Variants in CMBL observed in about 807,000 individuals in gnomAD.
CMBL encodes the protein carboxymethylenebutenolidase homolog (Pseudomonas).
A neutral mutation model predicts 28.7 loss-of-function variants in CMBL; 17 were observed. The observed-to-expected ratio is 0.59, with a 90% CI of 0.41 to 0.89. CMBL has a LOEUF of 0.89. Among genes scored for constraint, CMBL ranks in the 40% least tolerant of loss-of-function variants. CMBL has a pLI of 0.00. For missense variants in CMBL, 310 were observed against 298.5 expected, an observed-to-expected ratio of 1.04 and a Z score of -0.28; for synonymous variants, 106 against 101.6, an observed-to-expected ratio of 1.04 and a Z score of -0.26.
intron 2 of CMBL, among the ~76,000 whole-genome samples, chr5:10,290,059 G>A (rs1746677872): frequency 6.6e-6 from 1 of 152,224 alleles, no homozygotes; most frequent in African/African-American, 2.4e-5. Flanking sequence ...GGGGAGGGGA[G>A]CAAGGTCTCA....
chr5:10,288,568 T>G, intron 2 of CMBL, 39 bp from the exon 3 acceptor site: 1 of 1,400,408 alleles, frequency 7.1e-7, no homozygotes, highest in Non-Finnish European at 1.0e-6. Flanking sequence ...AGTTTCAGAG[T>G]TGCTTGACTC....
intron 4 of CMBL, 194 bp downstream of exon 4, chr5:10,286,160 C>T: frequency 1.9e-6 from 1 of 537,948 alleles, no homozygotes; most frequent in East Asian, 3.1e-5. Flanking sequence ...CCTCTTGACT[C>T]CCGGTGACAT....
chr5:10,290,948 T>A (rs572003235), intron 1 of CMBL, among the ~76,000 whole-genome samples, 167 bp from the exon 2 acceptor site: 1 of 152,220 alleles, frequency 6.6e-6, no homozygotes, highest in African/African-American at 2.4e-5. Context: ...CACTGCAGAG[T>A]AAGGCTATAG....
chr5:10,288,512 A>G lies in CMBL; in HGVS notation c.233T>C (p.Phe78Ser), dbSNP rs1436289539. The change falls in exon 3 of 6, where the codon TTC becomes TCC. Residue 78 changes from phenylalanine (F) to serine (S), a missense_variant. Coordinates refer to ENST00000296658, the MANE Select transcript of CMBL (RefSeq NM_138809.4). ...GTCCCAAGGCTCTTGCCCTACAAAG[A>G]AGTCTGGAACAATGGTTCTGCAAAA... The part of the protein sequence containing the change: ...GNGYTTIVPD[F>S]FVGQEPWDPS... 6.2e-7 allele frequency: 1 copy of G among 1,613,570 alleles called. No homozygotes were observed. The highest frequency in any genetic ancestry group is 2.2e-5 in the East Asian group (1 of 44,874).
At chr5:10,283,173 T>C (rs1400389787) in intron 4 of CMBL, among the ~76,000 whole-genome samples, 1 of 151,906 alleles carries the variant, frequency 6.6e-6, no homozygotes, top group Non-Finnish European at 1.5e-5. Flanking sequence ...CTCCCCACTT[T>C]ATGGACTGGG....
chr5:10,288,966 C>T (rs190112373), intron 2 of CMBL, among the ~76,000 whole-genome samples: 1 of 152,310 alleles, frequency 6.6e-6, no homozygotes, highest in East Asian at 1.9e-4. Flanking sequence ...TCACTATGAC[C>T]AGGCAATGTT....
rs1245673240 is a variant in CMBL at position 10,282,267 on chromosome 5, T to G, written c.488A>C (p.Asp163Ala). 1 of 1,610,992 alleles carries G rather than the reference T, an allele frequency of 6.2e-7. No homozygotes were observed. The highest frequency in any genetic ancestry group is 1.3e-5 in the African/African-American group (1 of 74,882). ...SVYGIVKDSEDIYNLKNPTLF... is the reference protein window; with the variant it reads ...SVYGIVKDSEAIYNLKNPTLF... ...AGTGGGGTTCTTTAAATTGTAAATG[T>G]CTTCAGAATCCTTGACAATGCCTGA... The change falls in exon 5 of 6, where the codon GAC becomes GCC. Residue 163 changes from aspartate (D) to alanine (A), a missense_variant. Asp to Ala is a moderately radical substitution (Grantham distance 126). Coordinates refer to ENST00000296658, the MANE Select transcript of CMBL (RefSeq NM_138809.4).
intron 1 of CMBL, among the ~76,000 whole-genome samples, chr5:10,306,764 A>G (rs1747007918): frequency 6.6e-6 from 1 of 152,166 alleles, no homozygotes; most frequent in African/African-American, 2.4e-5. Context: ...CCAAGTGTCT[A>G]TGGTCGAGAT....
rs377466959 is a variant in CMBL at position 10,297,544 on chromosome 5, G to A, written c.-19-6763C>T. On this transcript the variant is annotated intron_variant, in intron 1 of 5. Transcript: ENST00000296658. The stretch of plus-strand genomic sequence containing the variant: ...AGATCGCACCATTTCACTCCAGCCC[G>A]GACAAGAAGATCGAAACTCTATCTC... Among the ~76,000 whole-genome samples the A allele has an allele frequency of 2.5e-4, 37 of 147,800 alleles. No homozygotes were observed. In the South Asian group the frequency reaches 7.3e-3, roughly 29 times the overall value.
chr5:10,288,131 G>A (rs1018742005), intron 3 of CMBL, among the ~76,000 whole-genome samples: 2 of 152,106 alleles, frequency 1.3e-5, no homozygotes, highest in Admixed American at 6.5e-5. Flanking sequence ...AGCCGGGCTG[G>A]TGGCAGGCGC....
chr5:10,301,619 T>TTTTA (rs59536296), intron 1 of CMBL, among the ~76,000 whole-genome samples: 1 of 149,506 alleles, frequency 6.7e-6, no homozygotes, highest in Non-Finnish European at 1.5e-5. Context: ...TTTTTTTTTT[T>TTTTA]GGAGACGGAG....
chr5:10,288,889 C>G (rs1221603570), intron 2 of CMBL, among the ~76,000 whole-genome samples: 1 of 152,202 alleles, frequency 6.6e-6, no homozygotes, highest in African/African-American at 2.4e-5. Flanking sequence ...TCTCAGCCAG[C>G]CTGGGGAGAC....
At chr5:10,302,678 A>AC (rs1746921282) in intron 1 of CMBL, among the ~76,000 whole-genome samples, 1 of 152,126 alleles carries the variant, frequency 6.6e-6, no homozygotes, top group South Asian at 2.1e-4. Flanking sequence ...GGCACAAATG[A>AC]CCAGCATTAA....
chr5:10,280,416 T>C lies in CMBL; in HGVS notation c.*37A>G, dbSNP rs1206499447. On this transcript the variant is annotated 3_prime_UTR_variant, in exon 6 of 6. Coordinates refer to ENST00000296658, the MANE Select transcript of CMBL (RefSeq NM_138809.4). ...AACTATTTCCAAGCAAATTTTGGGA[T>C]GAAAGCTATTCTAGGAAGGCTTGCC... The C allele has an allele frequency of 6.7e-7, 1 of 1,489,152 alleles. No individual in the cohort carries two copies. Among genetic ancestry groups the C allele is most frequent in the African/African-American group, 1.4e-5 (1 of 72,218 alleles). The allele number at this position is 1,489,152 out of a possible 1,614,324, so 92.2% of individuals were successfully genotyped here. A position where few individuals can be genotyped will look rare whatever the true frequency, so the allele number is the denominator to read the frequency against.
intron 1 of CMBL, among the ~76,000 whole-genome samples, chr5:10,298,847 C>T (rs1171217829): frequency 5.9e-5 from 9 of 152,240 alleles, no homozygotes; most frequent in South Asian, 2.1e-4. Context: ...CAGACGAGAT[C>T]GCGCCACTGC....
rs918923695 is a variant in CMBL, at chr5:10,289,442, G to A, written c.216-913C>T. ...CCTGACCCCTGCTAAAGGACCCTCC[G>A]TGAAACAACAGAAACAGCAATGCCA... On this transcript the variant is annotated intron_variant, in intron 2 of 5. Transcript: ENST00000296658. This position sits in a 1 kb window ranked among gnomAD's most constrained non-coding sequence, Gnocchi z 4.3. Among the ~76,000 whole-genome samples the A allele has an allele frequency of 1.2e-4, 19 of 152,206 alleles. No individual in the cohort carries two copies. The highest frequency in any genetic ancestry group is 2.4e-4 in the Non-Finnish European group (16 of 68,038).
At chr5:10,287,839 T>C (rs543747544) in intron 3 of CMBL, among the ~76,000 whole-genome samples, 2 of 151,902 alleles carry the variant, frequency 1.3e-5, no homozygotes, top group East Asian at 2.0e-4. Context: ...GCCTCCCAAG[T>C]AGCTGGGACT....
intron 1 of CMBL, among the ~76,000 whole-genome samples, chr5:10,297,547 C>G (rs933440516): frequency 9.2e-6 from 1 of 109,000 alleles, no homozygotes; most frequent in African/African-American, 3.6e-5. Context: ...CCAGCCCGGA[C>G]AAGAAGATCG....
At chr5:10,297,878 A>G (rs1746836553) in intron 1 of CMBL, among the ~76,000 whole-genome samples, 1 of 152,012 alleles carries the variant, frequency 6.6e-6, no homozygotes, top group Admixed American at 6.6e-5. Flanking sequence ...GTGGGGCGGG[A>G]GAGTGTGGAT....
Sources: gnomAD v4.1 joint callset for allele counts (sites outside exome capture counted in the v4.1 genomes callset) on GRCh38, gnomAD v4.1.1 for gene constraint, Gnocchi (gnomAD v3.1) non-coding constraint, MANE v1.5 for transcripts, NCBI Gene and HGNC (gene_info 2026-07-23, HGNC 2026-07-21) for gene names.